PCDHGA6: variants seen among roughly 807,000 people sequenced by gnomAD.
PCDHGA6 encodes the protein protocadherin gamma subfamily A, 6, also known as protocadherin gamma-A6.
A neutral mutation model predicts 60.6 loss-of-function variants in PCDHGA6; 41 were observed. The ratio of observed to expected loss-of-function variants is 0.68; its 90% CI spans 0.53 to 0.88. The LOEUF is 0.88. Ranked by LOEUF, PCDHGA6 falls within the 40% of genes least tolerant of loss-of-function variation. The pLI is 0.00. For synonymous variants in PCDHGA6, 594 were observed against 524.4 expected (o/e 1.13, Z -1.81); for missense variants, 1,312 against 1,203.0 (o/e 1.09, Z -1.34).
rs765792921 is a variant in PCDHGA6, at chr5:141,374,181, A to C, written c.98A>C (p.Tyr33Ser). ...LWGAAAAQIR[Y>S]SIPEELEKGS... The stretch of plus-strand genomic sequence containing the variant: ...GGGGCCGCGGCAGCGCAGATCCGCT[A>C]CTCTATTCCCGAGGAGCTGGAGAAA... Residue 33 changes from tyrosine (Y) to serine (S), a missense_variant, in exon 1 of 4, where the codon TAC (tyrosine) becomes TCC (serine). Coordinates refer to ENST00000517434, the MANE Select transcript of PCDHGA6 (RefSeq NM_018919.3). 1.2e-6 allele frequency: 2 copies of C among 1,613,530 alleles called. No individual in the cohort carries two copies. Among genetic ancestry groups the C allele is most frequent in the African/African-American group, 2.7e-5 (2 of 74,920 alleles).
At chr5:141,414,270 T>G in intron 1 of PCDHGA6, 1 of 1,613,476 alleles carries the variant, frequency 6.2e-7, no homozygotes, top group Non-Finnish European at 8.5e-7. Context: ...AAGATTCACC[T>G]CTGGGAACAG....
chr5:141,423,804 T>C (rs571396807), intron 1 of PCDHGA6: 50 of 1,240,508 alleles, frequency 4.0e-5, no homozygotes, highest in African/African-American at 2.7e-4. Flanking sequence ...GAGCAATACA[T>C]GTGAGTTTTA....
intron 1 of PCDHGA6, among the ~76,000 whole-genome samples, chr5:141,382,367 C>T (rs778668401): frequency 8.6e-5 from 13 of 151,894 alleles, no homozygotes; most frequent in African/African-American, 3.1e-4. Flanking sequence ...TAAAATTTAC[C>T]TTTTTGCCTT....
chr5:141,379,424 G>C (rs1775590923), intron 1 of PCDHGA6: 1 of 152,218 alleles, frequency 6.6e-6, no homozygotes, highest in Non-Finnish European at 1.5e-5. Context: ...TCATGAGTTA[G>C]ATGGGCTGTT....
rs180741728 is a variant in PCDHGA6 at position 141,505,088 on chromosome 5, G to A, written c.2484-305G>A. Among the ~76,000 whole-genome samples the A allele has an allele frequency of 3.7e-3, 563 of 152,300 alleles. 5 individuals carry two copies. Among genetic ancestry groups the A allele is most frequent in the Admixed American group, 0.011 (163 of 15,294 alleles). On this transcript the variant is annotated intron_variant, in intron 2 of 3. Coordinates refer to ENST00000517434, the MANE Select transcript of PCDHGA6 (RefSeq NM_018919.3). ...GAGGCAGGAGAATCGCTTGAACCCA[G>A]GAGGTGGATGTTGCAATGAGCCAAG...
In PCDHGA6 at chr5:141,410,323, G is replaced by T. The variant is rs1415994094; in HGVS notation, c.2424+33816G>T. 3.7e-6 allele frequency: 6 copies of T among 1,613,884 alleles called. No homozygotes were observed. The South Asian group carries it at 5.5e-5, about 15-fold the overall frequency. ...TCTCAGTGCTCTTCCTCCTCGCCGT[G>T]ATTCTGGCCATTGCCTTGCGCCTGC... is the stretch of plus-strand genomic sequence containing the variant. On this transcript the variant is annotated intron_variant, in intron 1 of 3. Transcript: ENST00000517434.
chr5:141,487,181 C>T lies in PCDHGA6; in HGVS notation c.2425-7626C>T. 3 of 1,612,732 alleles carry T rather than the reference C, an allele frequency of 1.9e-6. No individual in the cohort carries two copies. The highest frequency in any genetic ancestry group is 1.1e-5 in the South Asian group (1 of 91,060). ...CTTAGTGTCCTTAGAGGAAGACACT[C>T]ATCCAGTTGTCCCAGATCTTCGAGA... On this transcript the variant is annotated intron_variant, in intron 1 of 3. Transcript: ENST00000517434. This position sits in a 1 kb window ranked among gnomAD's most constrained non-coding sequence, Gnocchi z 5.0.
chr5:141,385,571 T>C (rs2090288104), intron 1 of PCDHGA6: 5 of 1,299,428 alleles, frequency 3.8e-6, no homozygotes, highest in Non-Finnish European at 4.9e-6. Context: ...TCCACCTACT[T>C]TCCAATCTAT....
chr5:141,490,476 G>A lies in PCDHGA6; in HGVS notation c.2425-4331G>A. 1 of 1,614,208 alleles carries A rather than the reference G, an allele frequency of 6.2e-7. No homozygotes were observed. The highest frequency in any genetic ancestry group is 8.5e-7 in the Non-Finnish European group (1 of 1,180,046). On this transcript the variant is annotated intron_variant, in intron 1 of 3. Transcript: ENST00000517434. The surrounding 1 kb of genome is among the most constrained non-coding windows in gnomAD (Gnocchi z 5.4). ...ACTCGCTGCTAACCAGCCAGCCTTT[G>A]GACCGGGAGGCCACATCCCACTATA...
intron 1 of PCDHGA6, chr5:141,392,130 A>T (rs770884253): frequency 6.6e-6 from 1 of 152,238 alleles, no homozygotes; most frequent in African/African-American, 2.4e-5. Context: ...TTGTAAAATG[A>T]TTAAGTAGTT....
At chr5:141,384,644 C>A (rs757384812) in intron 1 of PCDHGA6, 2 of 1,614,116 alleles carry the variant, frequency 1.2e-6, no homozygotes, top group African/African-American at 1.3e-5. Context: ...CCCCGCTCCG[C>A]AGAGCCCGGC....
intron 1 of PCDHGA6, chr5:141,399,868 G>A (rs1410554488): frequency 6.2e-7 from 1 of 1,612,710 alleles, no homozygotes; most frequent in African/African-American, 1.3e-5. Flanking sequence ...TGCAGAGCCC[G>A]GCTACCTGGT....
intron 2 of PCDHGA6, among the ~76,000 whole-genome samples, chr5:141,501,102 C>G (rs951290710): frequency 2.0e-5 from 3 of 152,014 alleles, no homozygotes; most frequent in African/African-American, 4.8e-5. Flanking sequence ...CTCTTGACCT[C>G]GTGATCCGCC....
At position 141,403,597 on chromosome 5, in the gene PCDHGA6, G is replaced by T. The variant is rs772486529; in HGVS notation, c.2424+27090G>T. On this transcript the variant is annotated intron_variant, in intron 1 of 3. Transcript: ENST00000517434. ...CCCACCACCTGGTCCTCACGGCCTC[G>T]GATGGCGGCGAGCCGCGTCGCTCCA... The T allele has an allele frequency of 1.3e-5, 21 of 1,613,692 alleles. No individual in the cohort carries two copies. The African/African-American group carries it at 2.5e-4, about 19-fold the overall frequency.
Position 141,490,983 on chromosome 5 carries a change from C to T in PCDHGA6, c.2425-3824C>T. ...ACTCAGCCCCCCAGCGTCTCCCTCG[C>T]TCTGCTCCTCCTGGCTCCTTGGTCA... On this transcript the variant is annotated intron_variant, in intron 1 of 3. Transcript: ENST00000517434. The surrounding 1 kb of genome is among the most constrained non-coding windows in gnomAD (Gnocchi z 5.4). 2 of 1,614,120 alleles carry T rather than the reference C, an allele frequency of 1.2e-6. No individual in the cohort carries two copies. Among genetic ancestry groups the T allele is most frequent in the South Asian group, 2.2e-5 (2 of 91,082 alleles).
intron 1 of PCDHGA6, chr5:141,428,444 T>C (rs2097139811): frequency 5.3e-6 from 2 of 379,264 alleles, no homozygotes; most frequent in Non-Finnish European, 1.0e-5. Context: ...AGACCAGGGG[T>C]TTTTCCCAAC....
At chr5:141,478,644 T>G in intron 1 of PCDHGA6, 1 of 1,552,238 alleles carries the variant, frequency 6.4e-7, no homozygotes, top group South Asian at 1.2e-5. Context: ...GATGAAGATG[T>G]TTTCCTGGTG....
chr5:141,460,912 G>GTGTA (rs145509489), intron 1 of PCDHGA6, among the ~76,000 whole-genome samples: 34,285 of 149,232 alleles, frequency 0.23, 4,672 homozygotes, highest in African/African-American at 0.39. Flanking sequence ...ATTCCATGGT[G>GTGTA]TATATATATA....
At chr5:141,415,165 C>T (rs1410806560) in intron 1 of PCDHGA6, 10 of 1,613,746 alleles carry the variant, frequency 6.2e-6, no homozygotes, top group Non-Finnish European at 8.5e-6. Context: ...CACTGTCACG[C>T]TCACCGTGGC....
Sources: allele counts gnomAD v4.1 joint callset (sites outside exome capture counted in the v4.1 genomes callset), GRCh38; gene constraint gnomAD v4.1.1; non-coding constraint Gnocchi (gnomAD v3.1); transcripts MANE v1.5; gene names NCBI Gene and HGNC (gene_info 2026-07-23, HGNC 2026-07-21).